Variants in EXOC6B observed in about 807,000 individuals in gnomAD.
EXOC6B encodes SEC15 homolog B.
Under a neutral mutation model 113.5 loss-of-function variants are expected in EXOC6B, and 54 were observed. The ratio of observed to expected loss-of-function variants is 0.48; its 90% CI spans 0.38 to 0.60. The LOEUF is 0.60. Ranked by LOEUF, EXOC6B falls within the 20% of genes least tolerant of loss-of-function variation. The pLI is 0.00. For synonymous variants in EXOC6B, 357 were observed against 339.0 expected (o/e 1.05, Z -0.58); for missense variants, 797 against 977.5 (o/e 0.82, Z 2.46).
At chr2:72,611,783 A>G (rs1021496312) in intron 6 of EXOC6B, among the ~76,000 whole-genome samples, 1 of 152,202 alleles carries the variant, frequency 6.6e-6, no homozygotes, top group African/African-American at 2.4e-5. Flanking sequence ...CAACTACATC[A>G]TGGGACATAG....
Position 72,492,327 on chromosome 2 carries a change from C to G in EXOC6B, c.1656G>C (p.Gly552=). The G allele has an allele frequency of 6.2e-7, 1 of 1,609,224 alleles. No individual in the cohort carries two copies. Residue 552 remains glycine, a synonymous_variant, in exon 16 of 22, where the codon GGG becomes GGC. Coordinates refer to ENST00000272427, the MANE Select transcript of EXOC6B (RefSeq NM_015189.3). Reference sequence around the variant, plus strand: ...TTAGGAGCAGGTTTACCTCAGTAAGCCCAATATTCTTCCTTTTAATTACAT... The same window carrying G: ...TTAGGAGCAGGTTTACCTCAGTAAGGCCAATATTCTTCCTTTTAATTACAT... The part of the protein sequence containing the change: ...LQNVIKRKNI[G]LTELVQIIIN...
At position 72,247,219 on chromosome 2, in the gene EXOC6B, A is replaced by G. The variant is rs149073317; in HGVS notation, c.2197-63032T>C. On this transcript the variant is annotated intron_variant, in intron 20 of 21. Transcript: ENST00000272427. ...GAGATGCTGTTCTGTGGATTATTTGATCTATTTTATTCCCATCGCAGAAAT... is the reference window on the plus strand; with the variant it reads ...GAGATGCTGTTCTGTGGATTATTTGGTCTATTTTATTCCCATCGCAGAAAT... Among the ~76,000 whole-genome samples, 105 of 152,286 alleles carry G rather than the reference A, an allele frequency of 6.9e-4. 1 individual carries two copies. The highest frequency in any genetic ancestry group is 2.2e-3 in the African/African-American group (92 of 41,550).
chr2:72,378,323 T>C (rs1246916869), intron 19 of EXOC6B, among the ~76,000 whole-genome samples: 1 of 152,222 alleles, frequency 6.6e-6, no homozygotes, highest in Non-Finnish European at 1.5e-5. Flanking sequence ...ATCAGCCCTA[T>C]ATGCCAGTCT....
At chr2:72,800,518 GTAA>G (rs1685219418) in intron 1 of EXOC6B, among the ~76,000 whole-genome samples, 1 of 152,064 alleles carries the variant, frequency 6.6e-6, no homozygotes, top group Non-Finnish European at 1.5e-5. Flanking sequence ...AGTTAATTTA[GTAA>G]TAATAACTAT....
chr2:72,434,377 G>A (rs1695729984), intron 18 of EXOC6B, among the ~76,000 whole-genome samples: 1 of 151,956 alleles, frequency 6.6e-6, no homozygotes, highest in Non-Finnish European at 1.5e-5. Context: ...TTTTTTTATT[G>A]TGTCTCTACC....
chr2:72,718,052 A>T, intron 6 of EXOC6B, 51 bp downstream of exon 6: 1 of 1,426,864 alleles, frequency 7.0e-7, no homozygotes, highest in Non-Finnish European at 9.6e-7. Context: ...CCTGTGTTTA[A>T]CTCAATACTG....
At chr2:72,768,550 C>A (rs887285392) in intron 1 of EXOC6B, among the ~76,000 whole-genome samples, 3 of 151,882 alleles carry the variant, frequency 2.0e-5, no homozygotes, top group Non-Finnish European at 4.4e-5. Flanking sequence ...GGTGATCCCC[C>A]CGCCTTGGCC....
At chr2:72,561,031 C>G (rs1703858501) in intron 7 of EXOC6B, among the ~76,000 whole-genome samples, 1 of 151,878 alleles carries the variant, frequency 6.6e-6, no homozygotes, top group African/African-American at 2.4e-5. Context: ...TTTTAGGCAC[C>G]CTTATTTGAA....
chr2:72,695,860 A>T (rs1677835292), intron 6 of EXOC6B, among the ~76,000 whole-genome samples: 1 of 152,226 alleles, frequency 6.6e-6, no homozygotes, highest in African/African-American at 2.4e-5. Flanking sequence ...ACTCCAGTGC[A>T]GTGGGAAGAG....
At chr2:72,343,904 A>G (rs1361437829) in intron 19 of EXOC6B, among the ~76,000 whole-genome samples, 1 of 152,186 alleles carries the variant, frequency 6.6e-6, no homozygotes, top group Non-Finnish European at 1.5e-5. Flanking sequence ...AGAAATGCTT[A>G]CAAAGAGTCT....
chr2:72,209,239 A>G (rs1366376476), intron 20 of EXOC6B, among the ~76,000 whole-genome samples: 1 of 147,556 alleles, frequency 6.8e-6, no homozygotes, highest in Non-Finnish European at 1.5e-5. Context: ...AAAAAAAAAA[A>G]AAAAAAAAGA....
intron 20 of EXOC6B, among the ~76,000 whole-genome samples, chr2:72,243,294 G>A (rs533536016): frequency 3.3e-5 from 5 of 152,216 alleles, no homozygotes; most frequent in African/African-American, 4.8e-5. Flanking sequence ...ACATGCACAC[G>A]TATGTTTATT....
At chr2:72,292,533 CTTTGTGTG>C (rs1434030622) in intron 20 of EXOC6B, among the ~76,000 whole-genome samples, 1 of 140,684 alleles carries the variant, frequency 7.1e-6, no homozygotes, top group Admixed American at 7.1e-5. Context: ...TACATGCACG[CTTTGTGTG>C]TGTGTGTGTG....
chr2:72,445,797 C>G (rs1558673908), intron 18 of EXOC6B, among the ~76,000 whole-genome samples: 1 of 152,140 alleles, frequency 6.6e-6, no homozygotes, highest in Non-Finnish European at 1.5e-5. Context: ...GGGACACAGC[C>G]AAACCATATC....
At chr2:72,562,628 C>T (rs1245556235) in intron 7 of EXOC6B, among the ~76,000 whole-genome samples, 1 of 152,102 alleles carries the variant, frequency 6.6e-6, no homozygotes, top group African/African-American at 2.4e-5. Flanking sequence ...AATAACACAG[C>T]CCTTGCATTT....
chr2:72,266,930 A>C (rs1475064102), intron 20 of EXOC6B, among the ~76,000 whole-genome samples: 2 of 151,916 alleles, frequency 1.3e-5, no homozygotes, highest in Non-Finnish European at 1.5e-5. Context: ...CTTTTATTTC[A>C]TTGAGCAGTG....
intron 10 of EXOC6B, among the ~76,000 whole-genome samples, chr2:72,513,991 CA>C (rs1391003064): frequency 6.6e-6 from 1 of 151,910 alleles, no homozygotes; most frequent in Non-Finnish European, 1.5e-5. Flanking sequence ...CTTTTAACTG[CA>C]AAGTCATTAT....
intron 18 of EXOC6B, among the ~76,000 whole-genome samples, chr2:72,458,409 G>GT (rs1413709020): frequency 6.6e-6 from 1 of 152,126 alleles, no homozygotes; most frequent in Non-Finnish European, 1.5e-5. Flanking sequence ...AGATGGGGTA[G>GT]TTTAAGAAGT....
At chr2:72,185,824 T>C (rs923646303) in intron 20 of EXOC6B, among the ~76,000 whole-genome samples, 3 of 151,808 alleles carry the variant, frequency 2.0e-5, no homozygotes, top group Non-Finnish European at 4.4e-5. Context: ...ACATGTGCCA[T>C]GTTGGTGTGC....
Sources: allele counts gnomAD v4.1 joint callset (sites outside exome capture counted in the v4.1 genomes callset), GRCh38; gene constraint gnomAD v4.1.1; transcripts MANE v1.5; gene names NCBI Gene and HGNC (gene_info 2026-07-23, HGNC 2026-07-21).